Variants in ANAPC1 observed in about 807,000 individuals in gnomAD.
ANAPC1 encodes the protein anaphase promoting complex subunit 1, also known as anaphase-promoting complex subunit 1.
In ANAPC1, 36 loss-of-function variants were observed where a neutral mutation model predicts 208.0. That is an observed-to-expected ratio of 0.17 (90% CI 0.13 to 0.23). The LOEUF is 0.23. ANAPC1 is among the 10% of genes least tolerant of loss of function. The pLI is 1.00. For missense variants in ANAPC1, 942 were observed against 2,011.6 expected (o/e 0.47, Z 10.17); for synonymous variants, 378 against 695.2 (o/e 0.54, Z 7.18).
At position 111,794,250 on chromosome 2, in the gene ANAPC1, A is replaced by T. The variant is rs763690278; in HGVS notation, c.4447T>A (p.Ser1483Thr). Residue 1483 changes from serine (S) to threonine (T), a missense_variant, in exon 36 of 48, where the codon TCA becomes ACA. Transcript: ENST00000341068. ...CTTCTTACCAAACAGTTAAATGCTG[A>T]TAAGTTTTCTGAGCCAGCAAATCGA... is the stretch of plus-strand genomic sequence containing the variant. Reference protein sequence around the residue: ...GFRFAGSENLSAFNCLHKFAK... With the variant: ...GFRFAGSENLTAFNCLHKFAK... 7 of 1,612,692 alleles carry T rather than the reference A, an allele frequency of 4.3e-6. No individual in the cohort carries two copies. The highest frequency in any genetic ancestry group is 5.9e-6 in the Non-Finnish European group (7 of 1,179,470).
chr2:111,829,226 A>G (rs2104452789), intron 21 of ANAPC1, among the ~76,000 whole-genome samples: 1 of 152,276 alleles, frequency 6.6e-6, no homozygotes, highest in East Asian at 1.9e-4. Flanking sequence ...AACAATAATA[A>G]TAACAATTTC....
chr2:111,850,955 T>C, intron 13 of ANAPC1, 45 bp from the exon 14 acceptor site: 1 of 1,580,408 alleles, frequency 6.3e-7, no homozygotes, highest in Non-Finnish European at 8.6e-7. Context: ...TTGCCTTTAA[T>C]GCATCATATC....
intron 26 of ANAPC1, among the ~76,000 whole-genome samples, chr2:111,820,289 G>A (rs75999333): frequency 0.15 from 20,453 of 133,138 alleles, no homozygotes; most frequent in African/African-American, 0.19. Context: ...TTGATACACA[G>A]CACCATCCCA....
At chr2:111,833,893 T>C (rs563699554) in intron 19 of ANAPC1, among the ~76,000 whole-genome samples, 1 of 152,318 alleles carries the variant, frequency 6.6e-6, no homozygotes, top group East Asian at 1.9e-4. Context: ...AAATGTACTA[T>C]GTCTTAACTC....
At chr2:111,855,748 G>T (rs1352648889) in intron 13 of ANAPC1, among the ~76,000 whole-genome samples, 3 of 152,030 alleles carry the variant, frequency 2.0e-5, no homozygotes, top group South Asian at 4.1e-4. Flanking sequence ...TATCTCGAGG[G>T]CAGGGGAAGA....
intron 32 of ANAPC1, chr2:111,803,245 A>G (rs1171559201): frequency 5.2e-6 from 1 of 190,832 alleles, no homozygotes; most frequent in African/African-American, 4.5e-5. Context: ...TAAAATAGCC[A>G]AATACATTAT....
chr2:111,815,114 C>G (rs1194772584), intron 28 of ANAPC1, among the ~76,000 whole-genome samples: 2 of 139,258 alleles, frequency 1.4e-5, no homozygotes, highest in African/African-American at 5.4e-5. Context: ...GCTTTCTTGT[C>G]ACTCATTAAA....
At chr2:111,876,797 G>C (rs1457576655) in intron 3 of ANAPC1, among the ~76,000 whole-genome samples, 1 of 152,126 alleles carries the variant, frequency 6.6e-6, no homozygotes, top group Non-Finnish European at 1.5e-5. Flanking sequence ...GCAGTATCCA[G>C]ATACAAAGAT....
chr2:111,776,185 G>A (rs1424031575), intron 46 of ANAPC1, among the ~76,000 whole-genome samples: 2 of 151,500 alleles, frequency 1.3e-5, no homozygotes, highest in Non-Finnish European at 2.9e-5. Flanking sequence ...TTTACTGGGA[G>A]CATTTGAATG....
At chr2:111,850,643 G>C (rs530096707) in intron 14 of ANAPC1, 133 bp downstream of exon 14, 1 of 1,159,460 alleles carries the variant, frequency 8.6e-7, no homozygotes, top group African/African-American at 1.6e-5. Flanking sequence ...TATGTTAACT[G>C]AATCACTTCT....
intron 7 of ANAPC1, among the ~76,000 whole-genome samples, 193 bp downstream of exon 7, chr2:111,867,830 A>G (rs1682521159): frequency 6.6e-6 from 1 of 152,200 alleles, no homozygotes; most frequent in African/African-American, 2.4e-5. Context: ...ACTGATTTAT[A>G]TGCCTTATTT....
intron 18 of ANAPC1, among the ~76,000 whole-genome samples, chr2:111,837,871 C>T (rs866254341): frequency 1.3e-5 from 2 of 151,630 alleles, no homozygotes; most frequent in East Asian, 2.0e-4. Context: ...GGTCACTTGA[C>T]GTCAGGAGTT....
intron 45 of ANAPC1, among the ~76,000 whole-genome samples, chr2:111,778,305 G>A (rs1348327282): frequency 6.6e-6 from 1 of 152,144 alleles, no homozygotes; most frequent in Admixed American, 6.5e-5. Context: ...TACTGCCATC[G>A]CTAGGGCTCT....
chr2:111,879,038 A>G lies in ANAPC1; in HGVS notation c.214-67T>C. On this transcript the variant is annotated intron_variant, in intron 2 of 47. Transcript: ENST00000341068. ...TTTTGTTCTTCAAAAATCTGGAACA[A>G]AATTTATTTGCCCATGGAGTAAGAC... The G allele has an allele frequency of 3.3e-6, 5 of 1,535,854 alleles. 1 individual carries two copies. In the South Asian group the frequency reaches 6.5e-5, roughly 20 times the overall value.
chr2:111,871,302 A>G (rs1266283087), intron 6 of ANAPC1, among the ~76,000 whole-genome samples: 1 of 152,202 alleles, frequency 6.6e-6, no homozygotes, highest in Non-Finnish European at 1.5e-5. Context: ...TGGATTCTTC[A>G]AATCCATGAT....
chr2:111,854,644 C>T (rs7563033), intron 13 of ANAPC1, among the ~76,000 whole-genome samples: 88,315 of 151,958 alleles, frequency 0.58, 26,608 homozygotes, highest in South Asian at 0.69. Context: ...CCTTGCACTT[C>T]TGTGTTATGG....
intron 6 of ANAPC1, among the ~76,000 whole-genome samples, chr2:111,870,715 T>C (rs904511476): frequency 7.2e-5 from 11 of 152,238 alleles, no homozygotes; most frequent in Non-Finnish European, 1.5e-5. Context: ...GTCCCATTTA[T>C]TTATTGTTTT....
At position 111,858,410 on chromosome 2, in the gene ANAPC1, G is replaced by A; in HGVS notation, c.1263-9C>T. The A allele has an allele frequency of 6.3e-7, 1 of 1,599,746 alleles. No individual in the cohort carries two copies. Among genetic ancestry groups the A allele is most frequent in the Non-Finnish European group, 8.6e-7 (1 of 1,168,610 alleles). On this transcript the variant is annotated splice_polypyrimidine_tract_variant and intron_variant, in intron 10 of 47. Transcript: ENST00000341068. ...CTTGTGAATTTTTCTCTCTATAATA[G>A]ATACATTAATAAAGTAACTGTCAGC... is the stretch of plus-strand genomic sequence containing the variant.
intron 6 of ANAPC1, among the ~76,000 whole-genome samples, chr2:111,871,241 T>C (rs1410562976): frequency 6.6e-6 from 1 of 152,182 alleles, no homozygotes; most frequent in Non-Finnish European, 1.5e-5. Flanking sequence ...TTGATGAGAA[T>C]TATGGTGAAA....
Sources: allele counts gnomAD v4.1 joint callset (sites outside exome capture counted in the v4.1 genomes callset), GRCh38; gene constraint gnomAD v4.1.1; transcripts MANE v1.5; gene names NCBI Gene and HGNC (gene_info 2026-07-23, HGNC 2026-07-21).